Variants in MGAM2 observed in about 807,000 individuals in gnomAD.
The protein encoded by MGAM2 is maltase-glucoamylase 2 (putative).
In MGAM2, 98 loss-of-function variants were observed where a neutral mutation model predicts 96.1. That is an observed-to-expected ratio of 1.02 (90% CI 0.87 to 1.21). MGAM2 has a LOEUF of 1.21. Among genes scored for constraint, MGAM2 ranks in the 50% most tolerant of loss-of-function variants. MGAM2 has a pLI of 0.00. For synonymous variants in MGAM2, 749 were observed against 414.8 expected, an observed-to-expected ratio of 1.81 and a Z score of -9.79; for missense variants, 2,055 against 1,182.4, an observed-to-expected ratio of 1.74 and a Z score of -10.82.
chr7:142,132,110 C>T (rs751869700), intron 6 of MGAM2, 25 bp downstream of exon 6: 3 of 694,150 alleles, frequency 4.3e-6, no homozygotes, highest in Non-Finnish European at 7.9e-6. Context: ...CCTCTTGGTG[C>T]ATCTTTGAAC....
chr7:142,215,723 A>T (rs747304303), intron 46 of MGAM2, among the ~76,000 whole-genome samples: 4 of 146,614 alleles, frequency 2.7e-5, no homozygotes, highest in Non-Finnish European at 5.9e-5. Flanking sequence ...GCGCCATTGC[A>T]CTCCAGCCTG....
At chr7:142,214,630 A>G (rs1797691228) in intron 46 of MGAM2, among the ~76,000 whole-genome samples, 1 of 152,234 alleles carries the variant, frequency 6.6e-6, no homozygotes, top group Non-Finnish European at 1.5e-5. Flanking sequence ...ACTACAAACC[A>G]CTACTCAAGG....
At chr7:142,206,323 G>A (rs566257897) in intron 45 of MGAM2, among the ~76,000 whole-genome samples, 143 of 152,064 alleles carry the variant, frequency 9.4e-4, no homozygotes, top group Non-Finnish European at 1.8e-3. Context: ...TTATTTTGTG[G>A]TGGTGGCTGG....
chr7:142,134,442 T>C lies in MGAM2; in HGVS notation c.747+290T>C, dbSNP rs145602048. On this transcript the variant is annotated intron_variant, in intron 7 of 47. Coordinates refer to ENST00000477922, the MANE Select transcript of MGAM2 (RefSeq NM_001293626.2). ...TATATTAGAACCTAGTATATACTTC[T>C]GCCAAATTACTATGTCTTGGTTTAA... is the stretch of plus-strand genomic sequence containing the variant. 4.4e-3 allele frequency among the ~76,000 whole-genome samples: 676 copies of C among 152,332 alleles called. 7 individuals are homozygous for C. Among genetic ancestry groups the C allele is most frequent in the African/African-American group, 0.016 (645 of 41,584 alleles).
At chr7:142,138,811 G>C in intron 10 of MGAM2, 144 bp downstream of exon 10, 1 of 594,840 alleles carries the variant, frequency 1.7e-6, no homozygotes, top group Non-Finnish European at 3.0e-6. Flanking sequence ...TGCATGTTAA[G>C]TTATGTATCT....
chr7:142,172,086 C>G lies in MGAM2; in HGVS notation c.3352-12C>G, dbSNP rs766308280. 1.4e-6 allele frequency: 1 copy of G among 710,438 alleles called. No individual in the cohort carries two copies. The highest frequency in any genetic ancestry group is 1.5e-5 in the South Asian group (1 of 66,758). 44.0% of individuals were successfully genotyped at this position (710,438 alleles called of 1,614,324 possible). On this transcript the variant is annotated splice_polypyrimidine_tract_variant and intron_variant, in intron 28 of 47. Coordinates refer to ENST00000477922, the MANE Select transcript of MGAM2 (RefSeq NM_001293626.2). ...GCATTTTCTTTTTGTTTATTACCCT[C>G]GTGACTCCCAGTACAAGAAGAATTC...
At chr7:142,164,406 A>C (rs529573515) in intron 23 of MGAM2, among the ~76,000 whole-genome samples, 1 of 152,208 alleles carries the variant, frequency 6.6e-6, no homozygotes, top group African/African-American at 2.4e-5. Context: ...TGCTTAGCAC[A>C]GTGCCTGTCA....
In MGAM2 at chr7:142,144,899, T is replaced by G; in HGVS notation, c.1470T>G (p.Asn490Lys). ...NEVSSLLQAS[N>K]NQCESNNLNF... ...TATCTAGCTTACTCCAAGCTTCTAA[T>G]AACCAGTGTGAATCCAACAACTTGA... is the stretch of plus-strand genomic sequence containing the variant. Residue 490 changes from asparagine to lysine, a missense_variant, in exon 14 of 48, where the codon AAT (asparagine) becomes AAG (lysine). Coordinates refer to ENST00000477922, the MANE Select transcript of MGAM2 (RefSeq NM_001293626.2). 1.4e-6 allele frequency: 1 copy of G among 702,890 alleles called. No homozygotes were observed. The allele number at this position is 702,890 out of a possible 1,614,324, so 43.5% of individuals were successfully genotyped here.
At chr7:142,145,943 G>T (rs1795369567) in intron 14 of MGAM2, among the ~76,000 whole-genome samples, 1 of 152,020 alleles carries the variant, frequency 6.6e-6, no homozygotes, top group African/African-American at 2.4e-5. Flanking sequence ...ATTCTGATTT[G>T]CCCACTTTAC....
At chr7:142,171,966 T>A in intron 28 of MGAM2, 132 bp from the exon 29 acceptor site, 1 of 380,634 alleles carries the variant, frequency 2.6e-6, no homozygotes. Flanking sequence ...GAAGGGAGAG[T>A]CAATGAAGGC....
intron 4 of MGAM2, 139 bp from the exon 5 acceptor site, chr7:142,131,379 A>G: frequency 3.3e-6 from 2 of 608,040 alleles, no homozygotes; most frequent in Non-Finnish European, 5.9e-6. Context: ...TGGAGGTTGC[A>G]GTGAGCCGAG....
chr7:142,158,317 G>T lies in MGAM2; in HGVS notation c.2148G>T (p.Thr716=). ...QFLWGPGLLI[T]PVLYEGVDEV... ...TATGGGGACCTGGACTCCTCATCACGCCTGTTTTATATGAAGTATGTTTAT... is the reference window on the plus strand; with the variant it reads ...TATGGGGACCTGGACTCCTCATCACTCCTGTTTTATATGAAGTATGTTTAT... Residue 716 remains threonine (T), a synonymous_variant, in exon 19 of 48, where the codon ACG becomes ACT. Coordinates refer to ENST00000477922, the MANE Select transcript of MGAM2 (RefSeq NM_001293626.2). 1.4e-6 allele frequency: 1 copy of T among 702,894 alleles called. No homozygotes were observed. The highest frequency in any genetic ancestry group is 2.6e-6 in the Non-Finnish European group (1 of 384,962). The allele number at this position is 702,894 out of a possible 1,614,324, so 43.5% of individuals were successfully genotyped here. A position where few individuals can be genotyped will look rare whatever the true frequency, so the allele number is the denominator to read the frequency against.
intron 32 of MGAM2, among the ~76,000 whole-genome samples, chr7:142,181,637 T>C (rs4571656): frequency 0.19 from 28,745 of 152,138 alleles, 3,005 homozygotes; most frequent in East Asian, 0.34. Context: ...CTCTTCCCTC[T>C]TAGGGACAGC....
At chr7:142,145,069 C>A in intron 14 of MGAM2, 124 bp downstream of exon 14, 1 of 604,174 alleles carries the variant, frequency 1.7e-6, no homozygotes, top group Non-Finnish European at 3.0e-6. Context: ...ACATCCTGAG[C>A]ACTCCTCTGC....
At chr7:142,134,789 A>AG (rs1439562702) in intron 7 of MGAM2, among the ~76,000 whole-genome samples, 1 of 151,992 alleles carries the variant, frequency 6.6e-6, no homozygotes, top group African/African-American at 2.4e-5. Flanking sequence ...AAAAAAAAAA[A>AG]AAATCTAGCA....
intron 45 of MGAM2, among the ~76,000 whole-genome samples, chr7:142,205,942 T>C (rs1797387599): frequency 6.6e-6 from 1 of 152,174 alleles, no homozygotes; most frequent in African/African-American, 2.4e-5. Flanking sequence ...AGGTCTTTGA[T>C]TCTTTTTGAG....
At chr7:142,212,651 A>T (rs1797622982) in intron 46 of MGAM2, among the ~76,000 whole-genome samples, 1 of 152,212 alleles carries the variant, frequency 6.6e-6, no homozygotes, top group Non-Finnish European at 1.5e-5. Context: ...ATAAATATAT[A>T]TGCACCCAAT....
intron 22 of MGAM2, 47 bp from the exon 23 acceptor site, chr7:142,161,908 G>A (rs1312944248): frequency 1.5e-6 from 1 of 660,146 alleles, no homozygotes; most frequent in Non-Finnish European, 2.7e-6. Flanking sequence ...AGGACTCCCT[G>A]GCTGATTGGC....
chr7:142,117,038 A>G, intron 2 of MGAM2, 59 bp downstream of exon 2: 2 of 701,414 alleles, frequency 2.9e-6, no homozygotes, highest in African/African-American at 3.5e-5. Flanking sequence ...GTAAACGCCA[A>G]AGAGATTATT....
Sources: allele counts gnomAD v4.1 joint callset (sites outside exome capture counted in the v4.1 genomes callset), GRCh38; gene constraint gnomAD v4.1.1; transcripts MANE v1.5; gene names NCBI Gene and HGNC (gene_info 2026-07-23, HGNC 2026-07-21).